PRIM2: variants seen among roughly 807,000 people sequenced by gnomAD.
PRIM2 encodes DNA primase large subunit.
A neutral mutation model predicts 67.3 loss-of-function variants in PRIM2; 39 were observed. The ratio of observed to expected loss-of-function variants is 0.58; its 90% CI spans 0.45 to 0.76. PRIM2 has a LOEUF of 0.76. Ranked by LOEUF, PRIM2 falls within the 30% of genes least tolerant of loss-of-function variation. The pLI is 0.00. For synonymous variants in PRIM2, 143 were observed against 198.7 expected, an observed-to-expected ratio of 0.72 and a Z score of 2.36; for missense variants, 398 against 598.7, an observed-to-expected ratio of 0.66 and a Z score of 3.50.
chr6:57,383,933 TAGTA>T (rs1230476594), intron 7 of PRIM2, among the ~76,000 whole-genome samples: 26 of 152,336 alleles, frequency 1.7e-4, no homozygotes, highest in Middle Eastern at 6.8e-3. Context: ...CTGCGTTAGT[TAGTA>T]TTTTCTTTTC....
intron 7 of PRIM2, among the ~76,000 whole-genome samples, chr6:57,488,723 G>A (rs1251559190): frequency 1.3e-5 from 2 of 152,212 alleles, no homozygotes; most frequent in African/African-American, 4.8e-5. Flanking sequence ...CACACAGGCT[G>A]TGGATGGAAC....
At chr6:57,325,300 TCTCTC>T (rs1248280568) in intron 4 of PRIM2, among the ~76,000 whole-genome samples, 10 of 92,446 alleles carry the variant, frequency 1.1e-4, no homozygotes, top group African/African-American at 4.0e-4. Context: ...CTTTTCTCTC[TCTCTC>T]TTTTTTTTTT....
chr6:57,477,477 A>C (rs1335997214), intron 7 of PRIM2, among the ~76,000 whole-genome samples: 1 of 152,252 alleles, frequency 6.6e-6, no homozygotes, highest in Non-Finnish European at 1.5e-5. Context: ...AATCCATAGA[A>C]GATAGCCTTT....
chr6:57,495,317 G>A (rs1180440566), intron 7 of PRIM2, among the ~76,000 whole-genome samples: 8 of 152,310 alleles, frequency 5.3e-5, no homozygotes, highest in Non-Finnish European at 1.2e-4. Context: ...TGAGTGAGAT[G>A]TAGAGGCACA....
chr6:57,486,461 A>G, intron 7 of PRIM2, among the ~76,000 whole-genome samples: 1 of 152,220 alleles, frequency 6.6e-6, no homozygotes, highest in South Asian at 2.1e-4. Flanking sequence ...CAAAGTAAAG[A>G]ATGGGCTGGA....
At chr6:57,445,736 T>C (rs981036994) in intron 7 of PRIM2, among the ~76,000 whole-genome samples, 7 of 152,200 alleles carry the variant, frequency 4.6e-5, no homozygotes, top group African/African-American at 1.7e-4. Flanking sequence ...TTCATGAGAA[T>C]TTCTTTTATT....
chr6:57,518,242 TGTGTACA>T (rs1224589400), intron 8 of PRIM2, among the ~76,000 whole-genome samples: 1 of 152,228 alleles, frequency 6.6e-6, no homozygotes, highest in Non-Finnish European at 1.5e-5. Context: ...AGTCATCAAA[TGTGTACA>T]GTGGTGGAAA....
chr6:57,544,504 A>G (rs1775245728), intron 10 of PRIM2, among the ~76,000 whole-genome samples: 1 of 152,158 alleles, frequency 6.6e-6, no homozygotes, highest in South Asian at 2.1e-4. Flanking sequence ...GTATTAAGTG[A>G]GTCCTATATA....
At chr6:57,517,474 A>G (rs1477139234) in intron 8 of PRIM2, among the ~76,000 whole-genome samples, 68 of 152,300 alleles carry the variant, frequency 4.5e-4, no homozygotes, top group African/African-American at 1.6e-3. Flanking sequence ...ACTTACGGCT[A>G]TTGAGCATTT....
At chr6:57,497,146 T>G (rs1774022070) in intron 7 of PRIM2, among the ~76,000 whole-genome samples, 1 of 152,124 alleles carries the variant, frequency 6.6e-6, no homozygotes, top group African/African-American at 2.4e-5. Flanking sequence ...AAACGTAAAT[T>G]TTGTATACGT....
chr6:57,381,560 G>A (rs62418054), intron 6 of PRIM2, among the ~76,000 whole-genome samples: 2 of 151,116 alleles, frequency 1.3e-5, no homozygotes, highest in East Asian at 3.9e-4. Flanking sequence ...AGCTTTTTCA[G>A]TATATTTCTC....
chr6:57,548,264 G>A (rs1775329494), intron 10 of PRIM2, among the ~76,000 whole-genome samples: 1 of 152,174 alleles, frequency 6.6e-6, no homozygotes, highest in Non-Finnish European at 1.5e-5. Context: ...CAAAGTTAGA[G>A]CAGGAGTGCC....
At chr6:57,251,612 A>G in the PRIM2 span, among the ~76,000 whole-genome samples, 1 of 152,202 alleles carries the variant, frequency 6.6e-6, no homozygotes, top group Non-Finnish European at 1.5e-5. Context: ...TACATCAAAC[A>G]TGGGTGCAGT....
intron 4 of PRIM2, 119 bp downstream of exon 4, chr6:57,324,399 T>C (rs776342574): frequency 7.2e-6 from 4 of 553,572 alleles, no homozygotes; most frequent in African/African-American, 3.8e-5. Flanking sequence ...CAGGAGCCGG[T>C]TGATCATGGG....
intron 7 of PRIM2, among the ~76,000 whole-genome samples, chr6:57,479,142 A>G (rs1773551771): frequency 1.3e-5 from 2 of 152,292 alleles, no homozygotes; most frequent in South Asian, 2.1e-4. Context: ...ACAAAACTCC[A>G]CCTAAAAAAA....
intron 7 of PRIM2, among the ~76,000 whole-genome samples, chr6:57,411,788 G>C (rs1276657103): frequency 6.6e-6 from 1 of 151,852 alleles, no homozygotes; most frequent in East Asian, 1.9e-4. Context: ...TCATGTAAGG[G>C]CTATCTGATT....
intron 6 of PRIM2, 117 bp downstream of exon 6, chr6:57,380,113 C>T: frequency 7.8e-6 from 6 of 769,476 alleles, no homozygotes; most frequent in Non-Finnish European, 1.2e-5. Context: ...ACTCTGTCTC[C>T]TGCACAGATA....
At chr6:57,619,165 G>A (rs1562804478) in intron 12 of PRIM2, among the ~76,000 whole-genome samples, 1 of 152,178 alleles carries the variant, frequency 6.6e-6, no homozygotes, top group Non-Finnish European at 1.5e-5. Flanking sequence ...ACCCAGAAGA[G>A]AGACAACAAT....
At chr6:57,575,042 G>A (rs1160431624) in intron 10 of PRIM2, among the ~76,000 whole-genome samples, 4 of 151,980 alleles carry the variant, frequency 2.6e-5, no homozygotes, top group Non-Finnish European at 2.9e-5. Flanking sequence ...ACTGCTCTTC[G>A]TACCCTAGAG....
Sources: allele counts gnomAD v4.1 joint callset (sites outside exome capture counted in the v4.1 genomes callset), GRCh38; gene constraint gnomAD v4.1.1; transcripts MANE v1.5; gene names NCBI Gene and HGNC (gene_info 2026-07-23, HGNC 2026-07-21).